NLRP5: variants seen among roughly 807,000 people sequenced by gnomAD.
The protein encoded by NLRP5 is NACHT, LRR and PYD domains-containing protein 5.
In NLRP5, 93 loss-of-function variants were observed where a neutral mutation model predicts 113.1. The ratio of observed to expected loss-of-function variants is 0.82; its 90% confidence interval spans 0.70 to 0.98. The LOEUF (loss-of-function observed/expected upper bound fraction) is 0.98. Among genes scored for constraint, NLRP5 ranks in the 50% least tolerant of loss-of-function variants. NLRP5 has a pLI of 0.00. For missense variants in NLRP5, 1,808 were observed against 1,514.3 expected (o/e 1.19, Z -3.22); for synonymous variants, 751 against 600.7 (o/e 1.25, Z -3.66).
chr19:56,042,395 G>A (rs1983553475), intron 11 of NLRP5, among the ~76,000 whole-genome samples: 1 of 152,106 alleles, frequency 6.6e-6, no homozygotes, highest in South Asian at 2.1e-4. Flanking sequence ...CCAGGTTGGA[G>A]TGGCATGGCG....
At position 56,034,633 on chromosome 19, in the gene NLRP5, T is replaced by C. The variant is rs79733619; in HGVS notation, c.2615+924T>C. 6.5e-3 allele frequency among the ~76,000 whole-genome samples: 996 copies of C among 152,358 alleles called. 17 individuals are homozygous for C. Among genetic ancestry groups the C allele is most frequent in the African/African-American group, 0.023 (939 of 41,586 alleles). On this transcript the variant is annotated intron_variant, in intron 9 of 14. Coordinates refer to ENST00000390649, the MANE Select transcript of NLRP5 (RefSeq NM_153447.4). Reference sequence around the variant, plus strand: ...TGTCTTCCATCTCTGTATAACCTTGTCATTTTGACAATGCTCTTAAAGTGA... The same window carrying C: ...TGTCTTCCATCTCTGTATAACCTTGCCATTTTGACAATGCTCTTAAAGTGA...
chr19:56,016,218 A>G (rs140769243), intron 4 of NLRP5, among the ~76,000 whole-genome samples: 1,992 of 151,986 alleles, frequency 0.013, 43 homozygotes, highest in African/African-American at 0.045. Context: ...CAGTGGTGTG[A>G]TCTCAGCTCA....
At chr19:56,051,156 G>A (rs1983917738) in intron 12 of NLRP5, among the ~76,000 whole-genome samples, 1 of 152,038 alleles carries the variant, frequency 6.6e-6, no homozygotes, top group Non-Finnish European at 1.5e-5. Context: ...ATAGTAGTCA[G>A]CACTTAATGC....
At chr19:56,034,110 C>T (rs773616961) in intron 9 of NLRP5, among the ~76,000 whole-genome samples, 13 of 151,934 alleles carry the variant, frequency 8.6e-5, no homozygotes, top group African/African-American at 2.2e-4. Flanking sequence ...CCTTCTGGGC[C>T]GGGCGCGGTG....
In NLRP5 at chr19:56,016,970, A is replaced by G. The variant is rs535017427; in HGVS notation, c.565+1172A>G. Among the ~76,000 whole-genome samples, 178 of 152,178 alleles carry G rather than the reference A, an allele frequency of 1.2e-3. 1 individual carries two copies. Among genetic ancestry groups the G allele is most frequent in the African/African-American group, 3.8e-3 (158 of 41,538 alleles). ...ATTACAGGCATGCGCCACCATGCCC[A>G]GCTAATTTTTGTATTTTTAGTGCAG... On this transcript the variant is annotated intron_variant, in intron 4 of 14. Transcript: ENST00000390649.
intron 11 of NLRP5, among the ~76,000 whole-genome samples, chr19:56,045,463 T>C (rs167386): frequency 1.3e-5 from 2 of 151,960 alleles, no homozygotes; most frequent in Non-Finnish European, 2.9e-5. Context: ...GTGCACAACA[T>C]GCAGGTTAGT....
In NLRP5 at chr19:56,028,401, C is replaced by G. The variant is rs779823774; in HGVS notation, c.2168C>G (p.Ser723Cys). 6 of 1,613,874 alleles carry G rather than the reference C, an allele frequency of 3.7e-6. No homozygotes were observed. Among genetic ancestry groups the G allele is most frequent in the East Asian group, 2.2e-5 (1 of 44,894 alleles). ...AACCAGAACCTGGACTTGATAGCATCTTCCTTCTGCCTCCAGCACTGTCCG... is the reference window on the plus strand; with the variant it reads ...AACCAGAACCTGGACTTGATAGCATGTTCCTTCTGCCTCCAGCACTGTCCG... The change falls in exon 7 of 15, where the codon TCT (serine) becomes TGT (cysteine). Residue 723 changes from serine to cysteine, a missense_variant. Ser to Cys is a moderately radical substitution (Grantham distance 112). Coordinates refer to ENST00000390649, the MANE Select transcript of NLRP5 (RefSeq NM_153447.4).
At chr19:56,010,314 C>G (rs1982131543) in intron 3 of NLRP5, among the ~76,000 whole-genome samples, 1 of 152,130 alleles carries the variant, frequency 6.6e-6, no homozygotes, top group Admixed American at 6.6e-5. Context: ...GGGCTTGTGC[C>G]AGAAAGACCT....
chr19:56,015,177 G>GTTTGTTTTGTTTTCGT (rs954397146), intron 3 of NLRP5, among the ~76,000 whole-genome samples: 9 of 152,086 alleles, frequency 5.9e-5, no homozygotes, highest in African/African-American at 2.2e-4. Context: ...TAAGTGGAGT[G>GTTTGTTTTGTTTTCGT]TTTGTTTTGT....
At chr19:56,037,795 G>A (rs898359031) in intron 9 of NLRP5, among the ~76,000 whole-genome samples, 1 of 151,860 alleles carries the variant, frequency 6.6e-6, no homozygotes, top group South Asian at 2.1e-4. Flanking sequence ...TGGCTTACCC[G>A]AAAGGCGACC....
chr19:56,020,518 G>A, intron 6 of NLRP5, 87 bp downstream of exon 6: 1 of 1,433,482 alleles, frequency 7.0e-7, no homozygotes, highest in Non-Finnish European at 9.7e-7. Context: ...TCAAGGGTAT[G>A]TAGTTTAGAT....
At chr19:55,993,242 C>G in the NLRP5 span, among the ~76,000 whole-genome samples, 1 of 151,730 alleles carries the variant, frequency 6.6e-6, no homozygotes, top group African/African-American at 2.4e-5. Flanking sequence ...TGTGAACACT[C>G]TGTCCTCCCT....
At chr19:55,991,430 ATAT>A in the NLRP5 span, among the ~76,000 whole-genome samples, 2 of 152,102 alleles carry the variant, frequency 1.3e-5, no homozygotes, top group South Asian at 4.1e-4. Flanking sequence ...TTCTTGGATG[ATAT>A]TATACTGATG....
At chr19:56,024,645 CT>C (rs1385981444) in intron 6 of NLRP5, among the ~76,000 whole-genome samples, 1 of 151,168 alleles carries the variant, frequency 6.6e-6, no homozygotes, top group Non-Finnish European at 1.5e-5. Flanking sequence ...GTAATCCCAG[CT>C]ACTTGAGAGG....
intron 14 of NLRP5, 118 bp downstream of exon 14, chr19:56,058,528 C>T: frequency 1.2e-6 from 1 of 865,994 alleles, no homozygotes; most frequent in African/African-American, 1.7e-5. Context: ...CCACATTTTA[C>T]TCCATTGGTG....
rs3055366 is a variant in NLRP5, at chr19:56,025,386, T to TTCTCTCTCTCTCTCTCTCTC, written c.680-1508_680-1507insCTCTCTCTCTCTCTCTCTCT. ...GTTTGACCTCAAGGAACGTGCTCCG[T>TTCTCTCTCTCTCTCTCTCTC]TCTCTCTCTCTCTCTCTCTGTCTCT... On this transcript the variant is annotated intron_variant, in intron 6 of 14. Coordinates refer to ENST00000390649, the MANE Select transcript of NLRP5 (RefSeq NM_153447.4). Among the ~76,000 whole-genome samples the TTCTCTCTCTCTCTCTCTCTC allele has an allele frequency of 3.2e-3, 462 of 146,550 alleles. 4 individuals carry two copies. Among genetic ancestry groups the TTCTCTCTCTCTCTCTCTCTC allele is most frequent in the African/African-American group, 0.011 (434 of 40,236 alleles).
At chr19:56,026,557 G>C (rs948150056) in intron 6 of NLRP5, among the ~76,000 whole-genome samples, 2 of 145,270 alleles carry the variant, frequency 1.4e-5, no homozygotes, top group Non-Finnish European at 3.0e-5. Context: ...AAATAGACTG[G>C]CTTCAAATTT....
intron 11 of NLRP5, among the ~76,000 whole-genome samples, chr19:56,042,898 C>T (rs926978169): frequency 6.6e-6 from 1 of 152,156 alleles, no homozygotes; most frequent in African/African-American, 2.4e-5. Flanking sequence ...TAGTCTCCAA[C>T]TCATCCAGGT....
rs1448982641 is a variant in NLRP5 at position 56,015,712 on chromosome 19, G to C, written c.509-30G>C. 9 of 1,536,176 alleles carry C rather than the reference G, an allele frequency of 5.9e-6. No homozygotes were observed. In the South Asian group the frequency reaches 9.7e-5, roughly 17 times the overall value. The stretch of plus-strand genomic sequence containing the variant: ...TTTGAATAATATACACAGTATGTTT[G>C]TGTTTATTCTTCTCCCTTCTCTTTT... On this transcript the variant is annotated intron_variant, in intron 3 of 14. Coordinates refer to ENST00000390649, the MANE Select transcript of NLRP5 (RefSeq NM_153447.4).
Sources: allele counts gnomAD v4.1 joint callset (sites outside exome capture counted in the v4.1 genomes callset), GRCh38; gene constraint gnomAD v4.1.1; transcripts MANE v1.5; gene names NCBI Gene and HGNC (gene_info 2026-07-23, HGNC 2026-07-21).